The following SCAND3 variants were observed in gnomAD, a reference collection of about 807,000 sequenced individuals.
SCAND3 encodes the protein SCAN domain containing 3.
the SCAND3 span, chr6:28,588,152 C>T: frequency 6.6e-6 from 1 of 152,092 alleles, no homozygotes; most frequent in East Asian, 1.9e-4. This position sits in a 1 kb window ranked among gnomAD's most constrained non-coding sequence, Gnocchi z 4.1. Flanking sequence ...GCTTAGAGTC[C>T]GTGAATGGTC....
the SCAND3 span, among the ~76,000 whole-genome samples, chr6:28,602,419 G>A: frequency 6.6e-6 from 1 of 152,148 alleles, no homozygotes; most frequent in South Asian, 2.1e-4. Flanking sequence ...GGTTGGCCAG[G>A]CTGGTCTCAA....
At chr6:28,589,922 C>G in the SCAND3 span, 2 of 150,002 alleles carry the variant, frequency 1.3e-5, no homozygotes, top group African/African-American at 4.9e-5. Context: ...TTTCCCTATC[C>G]CCCATCTTGA....
At chr6:28,572,396 C>T in the SCAND3 span, 1 of 1,613,242 alleles carries the variant, frequency 6.2e-7, no homozygotes, top group South Asian at 1.1e-5. This position sits in a 1 kb window ranked among gnomAD's most constrained non-coding sequence, Gnocchi z 4.1. Context: ...TCATTACCTA[C>T]TTCATTGATA....
At chr6:28,605,557 G>A in the SCAND3 span, among the ~76,000 whole-genome samples, 1 of 152,050 alleles carries the variant, frequency 6.6e-6, no homozygotes, top group Non-Finnish European at 1.5e-5. Context: ...AATGAGGCCG[G>A]GAGCAGTGGC....
the SCAND3 span, among the ~76,000 whole-genome samples, chr6:28,583,840 T>G: frequency 7.2e-4 from 109 of 152,346 alleles, 5 homozygotes; most frequent in East Asian, 0.02. Context: ...CCTCAGCAAC[T>G]AACTTGCAGC....
the SCAND3 span, among the ~76,000 whole-genome samples, chr6:28,580,044 C>A: frequency 6.6e-5 from 10 of 152,144 alleles, no homozygotes; most frequent in Non-Finnish European, 1.0e-4. Flanking sequence ...AAGGGAATAT[C>A]CAGTGACATA....
chr6:28,611,152 T>A, the SCAND3 span, among the ~76,000 whole-genome samples: 28 of 152,366 alleles, frequency 1.8e-4, no homozygotes, highest in Middle Eastern at 3.4e-3. Context: ...TCTCCCTTTA[T>A]ACTTCCTTCT....
chr6:28,599,315 G>A, the SCAND3 span, among the ~76,000 whole-genome samples: 33 of 152,292 alleles, frequency 2.2e-4, no homozygotes, highest in East Asian at 1.2e-3. Flanking sequence ...AAACGAACTC[G>A]AAATTTATAT....
At chr6:28,574,727 T>G in the SCAND3 span, 1 of 1,614,142 alleles carries the variant, frequency 6.2e-7, no homozygotes, top group Non-Finnish European at 8.5e-7. Context: ...CTTCTTTGAA[T>G]CTCATCATGT....
the SCAND3 span, chr6:28,593,636 T>A: frequency 1.3e-5 from 2 of 152,254 alleles, no homozygotes; most frequent in South Asian, 4.1e-4. Context: ...GATCTCGCCA[T>A]TGCACTCCAG....
At chr6:28,598,442 C>T in the SCAND3 span, among the ~76,000 whole-genome samples, 1 of 152,182 alleles carries the variant, frequency 6.6e-6, no homozygotes, top group South Asian at 2.1e-4. Context: ...GGACTGTCTT[C>T]TCTCCCCATC....
chr6:28,612,902 T>C, the SCAND3 span, among the ~76,000 whole-genome samples: 1 of 152,282 alleles, frequency 6.6e-6, no homozygotes, highest in African/African-American at 2.4e-5. Context: ...GATGTTATCA[T>C]TTCACTTCCA....
At chr6:28,592,944 T>C in the SCAND3 span, among the ~76,000 whole-genome samples, 1 of 151,036 alleles carries the variant, frequency 6.6e-6, no homozygotes, top group Non-Finnish European at 1.5e-5. This position sits in a 1 kb window ranked among gnomAD's most constrained non-coding sequence, Gnocchi z 4.1. Flanking sequence ...GACTGGAAGC[T>C]ATAAACCTAT....
the SCAND3 span, among the ~76,000 whole-genome samples, chr6:28,577,756 C>T: frequency 6.6e-6 from 1 of 152,124 alleles, no homozygotes; most frequent in East Asian, 1.9e-4. Flanking sequence ...GAAGTCACAC[C>T]CGCAAGCCAG....
chr6:28,597,405 C>T, the SCAND3 span, among the ~76,000 whole-genome samples: 3 of 152,184 alleles, frequency 2.0e-5, no homozygotes, highest in Non-Finnish European at 4.4e-5. Context: ...TCGCCTTAAC[C>T]ACTCGGCCAC....
At chr6:28,587,037 G>T in the SCAND3 span, 2 of 329,656 alleles carry the variant, frequency 6.1e-6, no homozygotes, top group Non-Finnish European at 1.1e-5. Flanking sequence ...GGTTATGACG[G>T]ATACTTTGGC....
At chr6:28,607,231 G>C in the SCAND3 span, among the ~76,000 whole-genome samples, 1 of 152,154 alleles carries the variant, frequency 6.6e-6, no homozygotes, top group African/African-American at 2.4e-5. Flanking sequence ...ACCTCCACCA[G>C]TTTTGGGAGT....
the SCAND3 span, among the ~76,000 whole-genome samples, chr6:28,578,902 T>C: frequency 1.3e-5 from 2 of 152,168 alleles, no homozygotes; most frequent in African/African-American, 4.8e-5. Flanking sequence ...AATTTCCAAA[T>C]AGTATTTCCA....
chr6:28,575,726 C>T, the SCAND3 span: 1 of 1,614,074 alleles, frequency 6.2e-7, no homozygotes, highest in African/African-American at 1.3e-5. The surrounding 1 kb of genome is among the most constrained non-coding windows in gnomAD (Gnocchi z 4.2). Context: ...AACTCTTTCT[C>T]CATGCGAGTA....
Sources: gnomAD v4.1 joint callset for allele counts (sites outside exome capture counted in the v4.1 genomes callset) on GRCh38, gnomAD v4.1.1 for gene constraint, Gnocchi (gnomAD v3.1) non-coding constraint, MANE v1.5 for transcripts, NCBI Gene and HGNC (gene_info 2026-07-23, HGNC 2026-07-21) for gene names.